XIRP2: variants seen among roughly 807,000 people sequenced by gnomAD.
XIRP2 encodes the protein xin actin binding repeat containing 2.
Under a neutral mutation model 277.0 loss-of-function variants are expected in XIRP2, and 236 were observed. The ratio of observed to expected loss-of-function variants is 0.85; its 90% CI spans 0.77 to 0.95. The LOEUF is 0.95. Among genes scored for constraint, XIRP2 ranks in the 40% least tolerant of loss-of-function variants. The pLI is 0.00. For missense variants in XIRP2, 4,640 were observed against 4,157.5 expected, an observed-to-expected ratio of 1.12 and a Z score of -3.19; for synonymous variants, 1,490 against 1,416.5, an observed-to-expected ratio of 1.05 and a Z score of -1.17.
At chr2:166,964,569 A>G (rs1269871747) in intron 2 of XIRP2, among the ~76,000 whole-genome samples, 2 of 151,838 alleles carry the variant, frequency 1.3e-5, no homozygotes, top group African/African-American at 4.8e-5. Flanking sequence ...GTCAGTTGAG[A>G]ATAAGTTGCT....
chr2:166,988,334 G>A (rs1180106337), intron 2 of XIRP2, among the ~76,000 whole-genome samples: 1 of 152,106 alleles, frequency 6.6e-6, no homozygotes, highest in African/African-American at 2.4e-5. Context: ...CCTGAAACAC[G>A]ATAAAAGACT....
At chr2:167,231,434 A>T (rs1219551175) in intron 5 of XIRP2, among the ~76,000 whole-genome samples, 1 of 152,028 alleles carries the variant, frequency 6.6e-6, no homozygotes, top group East Asian at 1.9e-4. Context: ...AGATTTGGAT[A>T]GTGCTTTCTA....
intron 2 of XIRP2, among the ~76,000 whole-genome samples, chr2:167,129,535 AT>A (rs1256985032): frequency 2.0e-5 from 3 of 152,270 alleles, no homozygotes; most frequent in African/African-American, 4.8e-5. Flanking sequence ...ATCTTAAAAA[AT>A]ATTTTATCTT....
At chr2:167,156,369 G>A (rs1006567897) in intron 3 of XIRP2, among the ~76,000 whole-genome samples, 17 of 152,144 alleles carry the variant, frequency 1.1e-4, no homozygotes, top group African/African-American at 3.9e-4. Flanking sequence ...AATACTGCAT[G>A]AAAATAACTT....
intron 2 of XIRP2, among the ~76,000 whole-genome samples, chr2:166,931,458 C>T (rs181959438): frequency 5.3e-5 from 8 of 152,318 alleles, no homozygotes; most frequent in Admixed American, 5.2e-4. Context: ...AACTACTCTT[C>T]TATCATAACA....
At chr2:167,201,227 AAAGAAAGAAAG>A in intron 3 of XIRP2, among the ~76,000 whole-genome samples, 1 of 136,208 alleles carries the variant, frequency 7.3e-6, no homozygotes, top group East Asian at 2.6e-4. Flanking sequence ...AGAAAGAAAG[AAAGAAAGAAAG>A]AAAGAAAGAA....
intron 2 of XIRP2, among the ~76,000 whole-genome samples, chr2:167,024,920 G>T (rs973053904): frequency 3.0e-4 from 45 of 152,140 alleles, no homozygotes; most frequent in Admixed American, 7.2e-4. Context: ...ATTCTCTTTT[G>T]TGGTTGTCTC....
At chr2:167,030,636 G>A (rs1042567203) in intron 2 of XIRP2, among the ~76,000 whole-genome samples, 1 of 152,090 alleles carries the variant, frequency 6.6e-6, no homozygotes, top group African/African-American at 2.4e-5. Flanking sequence ...TGACTTATGT[G>A]ATCAATTTTA....
chr2:167,215,904 T>C (rs1217325463), intron 4 of XIRP2, among the ~76,000 whole-genome samples: 1 of 152,192 alleles, frequency 6.6e-6, no homozygotes, highest in Non-Finnish European at 1.5e-5. Context: ...CAGGTGCTTT[T>C]CAAATTGCTT....
intron 5 of XIRP2, among the ~76,000 whole-genome samples, chr2:167,230,350 C>T (rs1273838253): frequency 6.6e-6 from 1 of 152,008 alleles, no homozygotes; most frequent in Non-Finnish European, 1.5e-5. Context: ...AAATAACCCC[C>T]ACCGTCATAG....
rs563724941 is a variant in XIRP2 at position 167,157,631 on chromosome 2, G to A, written c.562+21569G>A. ...AATAAGTGCTTTTTCATTACTTTTA[G>A]CAAAAGTATGAGGAATCCAGAATGC... On this transcript the variant is annotated intron_variant, in intron 3 of 10. Transcript: ENST00000409195. Among the ~76,000 whole-genome samples the A allele has an allele frequency of 4.6e-5, 7 of 152,132 alleles. No homozygotes were observed. The East Asian group carries it at 7.7e-4, about 17-fold the overall frequency.
At chr2:167,162,681 A>G (rs1026419567) in intron 3 of XIRP2, among the ~76,000 whole-genome samples, 5 of 152,162 alleles carry the variant, frequency 3.3e-5, no homozygotes, top group Non-Finnish European at 5.9e-5. Flanking sequence ...TTTCGAATGT[A>G]TTGATATTTT....
intron 2 of XIRP2, among the ~76,000 whole-genome samples, chr2:167,131,663 A>G (rs1156397059): frequency 6.6e-6 from 1 of 152,174 alleles, no homozygotes; most frequent in East Asian, 1.9e-4. Flanking sequence ...TCTGCCATCC[A>G]TTTAATGTTG....
intron 2 of XIRP2, among the ~76,000 whole-genome samples, chr2:166,941,099 C>T (rs1268286301): frequency 3.9e-5 from 6 of 152,162 alleles, no homozygotes; most frequent in Admixed American, 1.3e-4. Flanking sequence ...CCACTCAGTT[C>T]GAGCTTCCCA....
At chr2:166,940,682 C>A (rs1477529117) in intron 2 of XIRP2, among the ~76,000 whole-genome samples, 2 of 152,206 alleles carry the variant, frequency 1.3e-5, no homozygotes, top group Non-Finnish European at 2.9e-5. Flanking sequence ...CCCTCAGCTG[C>A]AGGTCTGTTG....
At chr2:167,206,052 G>A (rs77518731) in intron 3 of XIRP2, among the ~76,000 whole-genome samples, 12 of 151,968 alleles carry the variant, frequency 7.9e-5, no homozygotes, top group African/African-American at 2.9e-4. Flanking sequence ...TTTAGTGTTC[G>A]GCGTTGTAAA....
At chr2:167,126,771 C>T (rs1180249118) in intron 2 of XIRP2, among the ~76,000 whole-genome samples, 1 of 152,144 alleles carries the variant, frequency 6.6e-6, no homozygotes, top group Admixed American at 6.6e-5. Context: ...TCCACACCTA[C>T]ACCCTCATCT....
In XIRP2 at chr2:167,246,058, T is replaced by C; in HGVS notation, c.4666T>C (p.Leu1556=). 1 of 1,613,616 alleles carries C rather than the reference T, an allele frequency of 6.2e-7. No homozygotes were observed. Among genetic ancestry groups the C allele is most frequent in the South Asian group, 1.1e-5 (1 of 91,024 alleles). The change falls in exon 9 of 11, where the codon TTA becomes CTA. Residue 1556 remains leucine, a synonymous_variant. Transcript: ENST00000409195. ...EIIGKSIKET[L]EDLYSQKVIQ... The stretch of plus-strand genomic sequence containing the variant: ...TATTGGCAAGAGCATTAAAGAAACC[T>C]TAGAAGATCTCTACTCTCAAAAAGT...
intron 2 of XIRP2, among the ~76,000 whole-genome samples, chr2:167,029,756 GT>G (rs1214770499): frequency 2.0e-5 from 3 of 151,978 alleles, no homozygotes; most frequent in Non-Finnish European, 1.5e-5. Context: ...TTTTTCTATT[GT>G]TTGGAATAGT....
Sources: allele counts gnomAD v4.1 joint callset (sites outside exome capture counted in the v4.1 genomes callset), GRCh38; gene constraint gnomAD v4.1.1; transcripts MANE v1.5; gene names NCBI Gene and HGNC (gene_info 2026-07-23, HGNC 2026-07-21).